SPON1: variants seen among roughly 807,000 people sequenced by gnomAD.
SPON1 encodes the protein spondin-1.
In SPON1, 52 loss-of-function variants were observed where a neutral mutation model predicts 111.7. The observed-to-expected ratio is 0.47, with a 90% CI of 0.37 to 0.59. SPON1 has a LOEUF of 0.59. Ranked by LOEUF, SPON1 falls within the 20% of genes least tolerant of loss-of-function variation. SPON1 has a pLI of 0.00. For missense variants in SPON1, 957 were observed against 1,068.5 expected (o/e 0.90, Z 1.46); for synonymous variants, 410 against 395.8 (o/e 1.04, Z -0.43).
chr11:14,052,650 G>C (rs1848716560), intron 3 of SPON1, among the ~76,000 whole-genome samples: 1 of 152,184 alleles, frequency 6.6e-6, no homozygotes, highest in Non-Finnish European at 1.5e-5. Context: ...TGATTAGGAA[G>C]ACTCAGATAC....
chr11:14,011,771 G>A (rs1288277896), intron 2 of SPON1, among the ~76,000 whole-genome samples: 1 of 152,158 alleles, frequency 6.6e-6, no homozygotes, highest in Non-Finnish European at 1.5e-5. Flanking sequence ...GAGTGGATGA[G>A]GATGGAAGAG....
rs185149414 is a variant in SPON1 at position 14,267,849 on chromosome 11, G to A, written c.*2162G>A. On this transcript the variant is annotated 3_prime_UTR_variant, in exon 16 of 16. Transcript: ENST00000576479. ...ACTTCCACTTGAGACAGTAAAGAGA[G>A]TATTAGACACCCAGTAAAAACTGCC... is the stretch of plus-strand genomic sequence containing the variant. 2.0e-5 allele frequency: 3 copies of A among 152,280 alleles called. No individual in the cohort carries two copies. The highest frequency in any genetic ancestry group is 7.2e-5 in the African/African-American group (3 of 41,566). The allele number at this position is 152,280 out of a possible 1,614,324, so 9.4% of individuals were successfully genotyped here.
rs782353582 is a variant in SPON1 at position 14,041,601 on chromosome 11, G to T, written c.426G>T (p.Arg142=). 6.2e-7 allele frequency: 1 copy of T among 1,613,886 alleles called. No individual in the cohort carries two copies. The highest frequency in any genetic ancestry group is 2.2e-5 in the East Asian group (1 of 44,874). ...VTESTPRRRT[R]IQVFWIAPPA... ...AAAGCACTCCACGGAGGAGGACCCG[G>T]ATCCAGGTGTTTTGGATAGCACCAC... is the stretch of plus-strand genomic sequence containing the variant. The change falls in exon 3 of 16, where the codon CGG becomes CGT. Residue 142 remains arginine, a synonymous_variant. Transcript: ENST00000576479.
intron 2 of SPON1, among the ~76,000 whole-genome samples, chr11:14,009,210 T>A (rs950848918): frequency 8.5e-5 from 13 of 152,138 alleles, no homozygotes; most frequent in African/African-American, 3.1e-4. Context: ...TTCACATAAT[T>A]TATCACTAAT....
intron 6 of SPON1, among the ~76,000 whole-genome samples, chr11:14,232,970 TGG>T (rs1848819387): frequency 6.6e-6 from 1 of 152,046 alleles, no homozygotes. Flanking sequence ...GAAGAGGCCC[TGG>T]GCAGGTCCTG....
At chr11:13,974,806 C>T (rs1380096442) in intron 1 of SPON1, among the ~76,000 whole-genome samples, 2 of 152,182 alleles carry the variant, frequency 1.3e-5, no homozygotes, top group African/African-American at 4.8e-5. Flanking sequence ...GTGATATCCA[C>T]ACTTCTTATC....
At chr11:14,049,957 A>C (rs1554918276) in intron 3 of SPON1, among the ~76,000 whole-genome samples, 2 of 152,208 alleles carry the variant, frequency 1.3e-5, no homozygotes, top group African/African-American at 2.4e-5. Context: ...GGTCTATCAG[A>C]GAAAGGACCT....
At position 14,259,449 on chromosome 11, in the gene SPON1, CTG is replaced by C; in HGVS notation, c.1663+2_1663+3del. On this transcript the variant is annotated splice_donor_variant and coding_sequence_variant, in exon 12 of 16. Coordinates refer to ENST00000576479, the MANE Select transcript of SPON1 (RefSeq NM_006108.4). LOFTEE classifies it high-confidence loss of function. The surrounding 1 kb of genome is among the most constrained non-coding windows in gnomAD (Gnocchi z 5.0). Reference sequence around the variant, plus strand: ...AGAAGTGCACGGTCAACGAGGAGTGCTGTGAGTGGGGGCCCCGGGCGGGCAGG... The same window carrying C: ...AGAAGTGCACGGTCAACGAGGAGTGCTGAGTGGGGGCCCCGGGCGGGCAGG... The C allele has an allele frequency of 6.2e-7, 1 of 1,606,902 alleles. No individual in the cohort carries two copies. The highest frequency in any genetic ancestry group is 1.1e-5 in the South Asian group (1 of 89,548).
intron 3 of SPON1, among the ~76,000 whole-genome samples, chr11:14,066,443 T>A (rs1591366159): frequency 6.6e-6 from 1 of 152,042 alleles, no homozygotes; most frequent in Non-Finnish European, 1.5e-5. Context: ...TGAGAAATAG[T>A]CCTGTTAACT....
At position 14,009,715 on chromosome 11, in the gene SPON1, C is replaced by T. The variant is rs545280854; in HGVS notation, c.345+26762C>T. On this transcript the variant is annotated intron_variant, in intron 2 of 15. Coordinates refer to ENST00000576479, the MANE Select transcript of SPON1 (RefSeq NM_006108.4). ...TTACAATTCTGGAGGCTGAGCAGTC[C>T]AAGATCAAGGCACCAGCAGATTTGT... Among the ~76,000 whole-genome samples, 16 of 152,232 alleles carry T rather than the reference C, an allele frequency of 1.1e-4. 3 individuals carry two copies. The highest frequency in any genetic ancestry group is 3.6e-4 in the African/African-American group (15 of 41,534).
At chr11:14,215,944 T>G (rs1361503362) in intron 6 of SPON1, among the ~76,000 whole-genome samples, 1 of 152,124 alleles carries the variant, frequency 6.6e-6, no homozygotes, top group African/African-American at 2.4e-5. Flanking sequence ...AATCCAAAAT[T>G]TCTACACATC....
At chr11:14,250,679 A>C (rs1329700930) in intron 7 of SPON1, among the ~76,000 whole-genome samples, 1 of 152,224 alleles carries the variant, frequency 6.6e-6, no homozygotes, top group Non-Finnish European at 1.5e-5. Flanking sequence ...GATGAAACCA[A>C]ATTAACAAAA....
In SPON1 at chr11:14,170,446, G is replaced by A. The variant is rs566878776; in HGVS notation, c.825+34878G>A. ...TATAATCATGTCATCTGCAAACAGG[G>A]ACAATTTGACTTCCTCTTTTCCTAA... On this transcript the variant is annotated intron_variant, in intron 6 of 15. Transcript: ENST00000576479. 2.4e-4 allele frequency among the ~76,000 whole-genome samples: 36 copies of A among 152,294 alleles called. No individual in the cohort carries two copies. In the South Asian group the frequency reaches 6.8e-3, roughly 29 times the overall value.
chr11:14,260,170 C>T (rs892097294), intron 13 of SPON1, among the ~76,000 whole-genome samples: 6 of 152,182 alleles, frequency 3.9e-5, no homozygotes, highest in Non-Finnish European at 8.8e-5. Context: ...CAGATGTATA[C>T]AGGCACACAA....
intron 6 of SPON1, among the ~76,000 whole-genome samples, chr11:14,198,588 C>T (rs1289913113): frequency 1.3e-5 from 2 of 152,232 alleles, no homozygotes; most frequent in Non-Finnish European, 2.9e-5. Flanking sequence ...CACTGCTCTG[C>T]TAAAGATGGT....
intron 2 of SPON1, among the ~76,000 whole-genome samples, chr11:13,988,447 T>A (rs1248197185): frequency 6.6e-6 from 1 of 152,114 alleles, no homozygotes; most frequent in Non-Finnish European, 1.5e-5. Flanking sequence ...CTTAAGGAGA[T>A]TTTGGGCTGA....
At chr11:14,130,314 A>C (rs1196336746) in intron 5 of SPON1, among the ~76,000 whole-genome samples, 1 of 152,214 alleles carries the variant, frequency 6.6e-6, no homozygotes, top group Non-Finnish European at 1.5e-5. Context: ...AAAGAATTTC[A>C]GGGCTAGGTT....
At chr11:14,062,473 G>C (rs896976492) in intron 3 of SPON1, among the ~76,000 whole-genome samples, 1 of 152,146 alleles carries the variant, frequency 6.6e-6, no homozygotes, top group South Asian at 2.1e-4. Context: ...CAATAGCATC[G>C]CAAACTGGGC....
chr11:14,114,832 T>C (rs576086009), intron 5 of SPON1, among the ~76,000 whole-genome samples: 3 of 152,336 alleles, frequency 2.0e-5, no homozygotes, highest in Admixed American at 2.0e-4. Context: ...GCAGGACCCT[T>C]GTCTGGTTTC....
Sources: gnomAD v4.1 joint callset for allele counts (sites outside exome capture counted in the v4.1 genomes callset) on GRCh38, gnomAD v4.1.1 for gene constraint, Gnocchi (gnomAD v3.1) non-coding constraint, MANE v1.5 for transcripts, NCBI Gene and HGNC (gene_info 2026-07-23, HGNC 2026-07-21) for gene names.